KDM5B: variants seen among roughly 807,000 people sequenced by gnomAD.
The protein encoded by KDM5B is lysine-specific demethylase 5B.
Under a neutral mutation model 193.4 loss-of-function variants are expected in KDM5B, and 144 were observed. The ratio of observed to expected loss-of-function variants is 0.74; its 90% confidence interval spans 0.65 to 0.86. The LOEUF (loss-of-function observed/expected upper bound fraction) is 0.86, where lower values mean the gene tolerates loss of function less well. Ranked by LOEUF, KDM5B falls within the 40% of genes least tolerant of loss-of-function variation. The pLI is 0.00. For missense variants in KDM5B, 1,833 were observed against 1,886.9 expected (o/e 0.97, Z 0.53); for synonymous variants, 668 against 682.6 (o/e 0.98, Z 0.33).
At chr1:202,776,735 A>T (rs893695195) in intron 2 of KDM5B, among the ~76,000 whole-genome samples, 6 of 151,952 alleles carry the variant, frequency 3.9e-5, no homozygotes, top group African/African-American at 1.5e-4. Flanking sequence ...CTAATTTTTT[A>T]AACTATGTTT....
intron 5 of KDM5B, among the ~76,000 whole-genome samples, chr1:202,765,715 A>G (rs2102281160): frequency 6.6e-6 from 1 of 152,318 alleles, no homozygotes; most frequent in Admixed American, 6.5e-5. Context: ...GTGAAAAACT[A>G]TTCTCTTATT....
intron 1 of KDM5B, among the ~76,000 whole-genome samples, chr1:202,787,192 T>C (rs1657448576): frequency 6.6e-6 from 1 of 152,154 alleles, no homozygotes; most frequent in South Asian, 2.1e-4. Flanking sequence ...AGAAATTTTT[T>C]GTAGAGTCAG....
intron 7 of KDM5B, among the ~76,000 whole-genome samples, chr1:202,761,742 C>T (rs762977621): frequency 6.6e-6 from 1 of 152,196 alleles, no homozygotes; most frequent in African/African-American, 2.4e-5. Flanking sequence ...ACCCTGCCAA[C>T]ACCTTGATCT....
chr1:202,729,115 C>T lies in KDM5B; in HGVS notation c.4556G>A (p.Gly1519Asp). ...TTTCTCTGCCATCTCTGGGGAGACACCAACACAGACCTGATGAAACCACTG... is the reference window on the plus strand; with the variant it reads ...TTTCTCTGCCATCTCTGGGGAGACATCAACACAGACCTGATGAAACCACTG... The part of the protein sequence containing the change: ...CNQWFHQVCV[G>D]VSPEMAEKED... Residue 1519 changes from glycine (G) to aspartate (D), a missense_variant, in exon 27 of 27, where the codon GGT becomes GAT. Gly to Asp is a moderately conservative substitution (Grantham distance 94). Transcript: ENST00000367265. 2.5e-6 allele frequency: 4 copies of T among 1,614,092 alleles called. No individual in the cohort carries two copies. Among genetic ancestry groups the T allele is most frequent in the Non-Finnish European group, 3.4e-6 (4 of 1,179,986 alleles).
intron 2 of KDM5B, 126 bp downstream of exon 2, chr1:202,776,891 T>A (rs1420157898): frequency 9.8e-6 from 7 of 712,928 alleles, no homozygotes; most frequent in Non-Finnish European, 1.2e-5. Flanking sequence ...ATGTTCTTAT[T>A]TGCTCAAATA....
intron 1 of KDM5B, among the ~76,000 whole-genome samples, chr1:202,798,565 A>T: frequency 6.6e-6 from 1 of 152,150 alleles, no homozygotes. Flanking sequence ...CATCTCTACA[A>T]AAAAATTTGA....
In KDM5B at chr1:202,741,524, G is replaced by A. The variant is rs1655336971; in HGVS notation, c.2788C>T (p.Pro930Ser). The A allele has an allele frequency of 6.2e-7, 1 of 1,614,198 alleles. No homozygotes were observed. Among genetic ancestry groups the A allele is most frequent in the Non-Finnish European group, 8.5e-7 (1 of 1,180,034 alleles). Residue 930 changes from proline (P) to serine (S), a missense_variant, in exon 19 of 27, where the codon CCC becomes TCC. Physicochemically the swap from Pro to Ser is moderately conservative, Grantham distance 74. This residue lies in a region of KDM5B where 1,379 missense variants were observed against 1,349.6 expected (regional missense o/e 1.02). Coordinates refer to ENST00000367265, the MANE Select transcript of KDM5B (RefSeq NM_006618.5). ...LEEVQQACLDPSSLTLDDMRR... is the reference protein window; with the variant it reads ...LEEVQQACLDSSSLTLDDMRR... ...ATATCATCTAAAGTAAGGGAGCTGG[G>A]GTCTAGGCAAGCTTGCTGCACCTCT...
rs957513199 is a variant in KDM5B at position 202,727,891 on chromosome 1, T to G, written c.*1145A>C. The G allele has an allele frequency of 6.5e-6, 1 of 152,676 alleles. No homozygotes were observed. The highest frequency in any genetic ancestry group is 1.5e-5 in the Non-Finnish European group (1 of 68,046). The allele number at this position is 152,676 out of a possible 1,614,324, so 9.5% of individuals were successfully genotyped here. A position where few individuals can be genotyped will look rare whatever the true frequency, so the allele number is the denominator to read the frequency against. ...AAAGGCAGCATTCCACAAGGAAGACTGATTTGAGGATTGAAGTGATTTGCC... is the reference window on the plus strand; with the variant it reads ...AAAGGCAGCATTCCACAAGGAAGACGGATTTGAGGATTGAAGTGATTTGCC... On this transcript the variant is annotated 3_prime_UTR_variant, in exon 27 of 27. Transcript: ENST00000367265.
chr1:202,741,288 A>T, intron 19 of KDM5B, 79 bp downstream of exon 19: 1 of 1,021,008 alleles, frequency 9.8e-7, no homozygotes. Flanking sequence ...CACTTGCCAT[A>T]GACCAATCAT....
At chr1:202,751,530 C>T (rs1655791628) in intron 12 of KDM5B, among the ~76,000 whole-genome samples, 1 of 152,096 alleles carries the variant, frequency 6.6e-6, no homozygotes, top group African/African-American at 2.4e-5. Context: ...AACACCATAT[C>T]TTCTACTTGG....
intron 7 of KDM5B, among the ~76,000 whole-genome samples, chr1:202,760,938 G>A (rs1198166169): frequency 6.6e-6 from 1 of 151,982 alleles, no homozygotes; most frequent in African/African-American, 2.4e-5. Flanking sequence ...TGAGACAGGA[G>A]GATTTCTTGA....
Position 202,762,700 on chromosome 1 carries a change from G to C in KDM5B, c.917C>G (p.Ala306Gly), listed in dbSNP as rs1656299647. ...AGGAGAAAGGGAGATGTCACTCACAGCATTGGTGGCTTTTTTAGATCGACT... is the reference window on the plus strand; with the variant it reads ...AGGAGAAAGGGAGATGTCACTCACACCATTGGTGGCTTTTTTAGATCGACT... ...PKSRSKKATN[A>G]VDLYVCLLCG... The change falls in exon 7 of 27, where the codon GCT becomes GGT. Residue 306 changes from alanine (A) to glycine (G), a missense_variant and splice_region_variant. By Grantham distance (60) the Ala-to-Gly change is moderately conservative. Transcript: ENST00000367265. 1.3e-6 allele frequency: 2 copies of C among 1,534,102 alleles called. No homozygotes were observed. The highest frequency in any genetic ancestry group is 1.8e-6 in the Non-Finnish European group (2 of 1,107,254).
chr1:202,733,588 C>G lies in KDM5B; in HGVS notation c.3722G>C (p.Arg1241Pro). Residue 1241 changes from arginine (R) to proline (P), a missense_variant, in exon 23 of 27, where the codon CGT (arginine) becomes CCT (proline). Arg to Pro is a moderately radical substitution (Grantham distance 103). Transcript: ENST00000367265. Reference protein sequence around the residue: ...KILPLLASLQRIRVRLPEGDA... With the variant: ...KILPLLASLQPIRVRLPEGDA... ...TCCCTCAGGAAGGCGAACTCGGATA[C>G]GCTGAAGGGAGGCGAGCAGGGGCAG... The G allele has an allele frequency of 1.2e-6, 2 of 1,614,114 alleles. No individual in the cohort carries two copies. The highest frequency in any genetic ancestry group is 1.7e-6 in the Non-Finnish European group (2 of 1,180,032).
Position 202,762,752 on chromosome 1 carries a change from C to T in KDM5B, c.865G>A (p.Val289Ile). 6.2e-7 allele frequency: 1 copy of T among 1,612,264 alleles called. No homozygotes were observed. Among genetic ancestry groups the T allele is most frequent in the South Asian group, 1.1e-5 (1 of 91,044 alleles). ...TTGGGCTTTTCCTTCTCATTTTCTA[C>T]AATATAATCTTTCCTCTCAATAGGT... ...QEPIERKDYI[V>I]ENEKEKPKSR... Residue 289 changes from valine (V) to isoleucine (I), a missense_variant, in exon 7 of 27, where the codon GTA becomes ATA. Around this residue, in one of 3 missense-constraint regions of KDM5B, gnomAD observed 355 missense variants for 374.9 expected, o/e 0.95. Transcript: ENST00000367265.
chr1:202,729,217 T>C, intron 26 of KDM5B, 44 bp from the exon 27 acceptor site: 4 of 1,611,222 alleles, frequency 2.5e-6, no homozygotes, highest in Non-Finnish European at 3.4e-6. Context: ...GAGGAAAAAA[T>C]GGATTCAAAA....
intron 1 of KDM5B, among the ~76,000 whole-genome samples, chr1:202,783,114 C>T (rs1022601551): frequency 6.6e-6 from 1 of 152,138 alleles, no homozygotes. Flanking sequence ...GACATGGTGG[C>T]GCATGCCTGA....
intron 1 of KDM5B, among the ~76,000 whole-genome samples, chr1:202,801,634 C>CAATTTTATATAAAATTA (rs11270259): frequency 6.6e-6 from 1 of 151,810 alleles, no homozygotes; most frequent in Non-Finnish European, 1.5e-5. Context: ...TTTTTATTTA[C>CAATTTTATATAAAATTA]AATTTTCATT....
At chr1:202,785,339 C>T (rs1281161746) in intron 1 of KDM5B, among the ~76,000 whole-genome samples, 1 of 152,142 alleles carries the variant, frequency 6.6e-6, no homozygotes, top group Non-Finnish European at 1.5e-5. Context: ...TTTTAACCTC[C>T]TCTATATTTT....
chr1:202,785,301 G>GTTA (rs1657362571), intron 1 of KDM5B, among the ~76,000 whole-genome samples: 1 of 152,100 alleles, frequency 6.6e-6, no homozygotes, highest in Non-Finnish European at 1.5e-5. Flanking sequence ...CTTTAACACA[G>GTTA]GTTAAAGGCC....
Sources: gnomAD v4.1 joint callset for allele counts (sites outside exome capture counted in the v4.1 genomes callset) on GRCh38, gnomAD v4.1.1 for gene constraint, gnomAD v4.1.1 regional missense constraint, MANE v1.5 for transcripts, NCBI Gene and HGNC (gene_info 2026-07-23, HGNC 2026-07-21) for gene names.